DGKI: variants seen among roughly 807,000 people sequenced by gnomAD.
The protein encoded by DGKI is DAG kinase iota.
DGKI carries 55 observed loss-of-function variants against 147.5 expected under a neutral mutation model. The observed-to-expected ratio is 0.37, with a 90% confidence interval of 0.30 to 0.47. DGKI has a LOEUF of 0.47. DGKI is among the 20% of genes least tolerant of loss of function. The pLI is 1.00. For synonymous variants in DGKI, 469 were observed against 477.1 expected, an observed-to-expected ratio of 0.98 and a Z score of 0.22; for missense variants, 1,007 against 1,323.8, an observed-to-expected ratio of 0.76 and a Z score of 3.71.
intron 26 of DGKI, among the ~76,000 whole-genome samples, chr7:137,464,472 T>C (rs1814576480): frequency 6.6e-6 from 1 of 152,148 alleles, no homozygotes; most frequent in African/African-American, 2.4e-5. Flanking sequence ...GTCTGATGCA[T>C]GGATGTGCCC....
intron 8 of DGKI, among the ~76,000 whole-genome samples, chr7:137,610,049 T>C (rs1820312770): frequency 6.6e-6 from 1 of 152,008 alleles, no homozygotes; most frequent in Admixed American, 6.6e-5. Context: ...TTTTTATTTT[T>C]CTTTTTTGTT....
chr7:137,660,783 C>T (rs1395555245), intron 3 of DGKI, among the ~76,000 whole-genome samples: 1 of 148,692 alleles, frequency 6.7e-6, no homozygotes, highest in Non-Finnish European at 1.5e-5. Flanking sequence ...TGGAGAAAAA[C>T]AGGAAAGGAA....
At chr7:137,477,466 C>A (rs1051148519) in intron 23 of DGKI, among the ~76,000 whole-genome samples, 1 of 152,030 alleles carries the variant, frequency 6.6e-6, no homozygotes, top group Non-Finnish European at 1.5e-5. Flanking sequence ...TACTACACAA[C>A]CTAAAAATGC....
intron 23 of DGKI, among the ~76,000 whole-genome samples, chr7:137,474,785 C>G (rs1815110002): frequency 6.6e-6 from 1 of 152,132 alleles, no homozygotes; most frequent in African/African-American, 2.4e-5. Flanking sequence ...AATTAAGCAG[C>G]AAGCCCAGAG....
chr7:137,767,769 C>T (rs1031752387), intron 1 of DGKI, among the ~76,000 whole-genome samples: 3 of 152,152 alleles, frequency 2.0e-5, no homozygotes, highest in Admixed American at 2.0e-4. Context: ...TTAGTTAACC[C>T]AGGTCTCAAT....
intron 21 of DGKI, among the ~76,000 whole-genome samples, chr7:137,489,401 T>C (rs1481481351): frequency 6.6e-6 from 1 of 152,112 alleles, no homozygotes; most frequent in African/African-American, 2.4e-5. Context: ...GGGGGAGTAA[T>C]AATCATTCTA....
At chr7:137,720,089 C>T (rs1794499931) in intron 1 of DGKI, among the ~76,000 whole-genome samples, 1 of 152,116 alleles carries the variant, frequency 6.6e-6, no homozygotes, top group South Asian at 2.1e-4. Context: ...AGACGATTCT[C>T]ACATGCCCTG....
chr7:137,633,330 T>G (rs1055355515), intron 6 of DGKI, among the ~76,000 whole-genome samples: 8 of 150,984 alleles, frequency 5.3e-5, no homozygotes, highest in African/African-American at 2.0e-4. Flanking sequence ...GTAAGTGGAG[T>G]GAACAGACTT....
chr7:137,546,069 A>G, intron 20 of DGKI: 1 of 606,124 alleles, frequency 1.6e-6, no homozygotes, highest in South Asian at 2.0e-5. Context: ...TTAAACAGAA[A>G]TTAAATGAGC....
intron 30 of DGKI, among the ~76,000 whole-genome samples, chr7:137,403,327 A>C (rs1402578436): frequency 6.6e-6 from 1 of 152,244 alleles, no homozygotes; most frequent in Non-Finnish European, 1.5e-5. Flanking sequence ...GCCGAAAAAA[A>C]TTCAAGCCTC....
At chr7:137,667,849 CACAT>C (rs1338471256) in intron 3 of DGKI, among the ~76,000 whole-genome samples, 11 of 152,184 alleles carry the variant, frequency 7.2e-5, no homozygotes, top group African/African-American at 2.7e-4. Context: ...TTTTCACTGA[CACAT>C]ACACACCCGC....
chr7:137,745,757 A>T (rs13235392), intron 1 of DGKI, among the ~76,000 whole-genome samples: 1 of 152,108 alleles, frequency 6.6e-6, no homozygotes, highest in South Asian at 2.1e-4. Flanking sequence ...TGAATAGATG[A>T]GAGTTCTCAG....
rs148356780 is a variant in DGKI, at chr7:137,517,182, C to G, written c.2248+4684G>C. Reference sequence around the variant, plus strand: ...AGTATTCCCCCAAAACCATCAAGGTCATAAGAAAAAGAAAAGAAAAGAAAA... The same window carrying G: ...AGTATTCCCCCAAAACCATCAAGGTGATAAGAAAAAGAAAAGAAAAGAAAA... On this transcript the variant is annotated intron_variant, in intron 21 of 32. Transcript: ENST00000614521. Among the ~76,000 whole-genome samples the G allele has an allele frequency of 6.8e-3, 786 of 115,628 alleles. 7 individuals carry two copies. The highest frequency in any genetic ancestry group is 0.022 in the African/African-American group (741 of 33,074). The allele number at this position is 115,628 out of a possible 152,430, so 75.9% of individuals were successfully genotyped here. A position where few individuals can be genotyped will look rare whatever the true frequency, so the allele number is the denominator to read the frequency against.
chr7:137,520,558 A>G (rs113530455), intron 21 of DGKI, among the ~76,000 whole-genome samples: 3,611 of 152,168 alleles, frequency 0.024, 161 homozygotes, highest in African/African-American at 0.082. Context: ...CTTTCCTATA[A>G]AAGGAAATGA....
At chr7:137,805,194 G>C (rs1466938759) in intron 1 of DGKI, among the ~76,000 whole-genome samples, 1 of 152,170 alleles carries the variant, frequency 6.6e-6, no homozygotes, top group Non-Finnish European at 1.5e-5. Flanking sequence ...ATAGGCACTA[G>C]TTTGTGCACA....
chr7:137,503,801 T>C (rs968728796), intron 21 of DGKI, among the ~76,000 whole-genome samples: 1 of 152,146 alleles, frequency 6.6e-6, no homozygotes, highest in African/African-American at 2.4e-5. Flanking sequence ...ACTGTGAAGA[T>C]TAAGTCCTAC....
At chr7:137,430,179 G>A (rs895320262) in intron 28 of DGKI, among the ~76,000 whole-genome samples, 1 of 145,712 alleles carries the variant, frequency 6.9e-6, no homozygotes, top group African/African-American at 2.5e-5. Context: ...GATAGACTGG[G>A]TTAAGAAAAT....
intron 1 of DGKI, among the ~76,000 whole-genome samples, chr7:137,786,612 A>C (rs1351045571): frequency 6.6e-6 from 1 of 152,032 alleles, no homozygotes; most frequent in Non-Finnish European, 1.5e-5. Flanking sequence ...GAACTAGAAA[A>C]AACAATCCTA....
intron 2 of DGKI, among the ~76,000 whole-genome samples, chr7:137,684,646 A>G (rs1489807768): frequency 6.6e-6 from 1 of 152,198 alleles, no homozygotes; most frequent in Non-Finnish European, 1.5e-5. Context: ...GAGTCCCTGA[A>G]ATTAAGGTCG....
Sources: allele counts gnomAD v4.1 joint callset (sites outside exome capture counted in the v4.1 genomes callset), GRCh38; gene constraint gnomAD v4.1.1; transcripts MANE v1.5; gene names NCBI Gene and HGNC (gene_info 2026-07-23, HGNC 2026-07-21).